CLOCK: variants seen among roughly 807,000 people sequenced by gnomAD.
The protein encoded by CLOCK is circadian locomoter output cycles protein kaput.
CLOCK carries 43 observed loss-of-function variants against 118.4 expected under a neutral mutation model. That is an observed-to-expected ratio of 0.36 (90% CI 0.28 to 0.47). The LOEUF is 0.47. Ranked by LOEUF, CLOCK falls within the 20% of genes least tolerant of loss-of-function variation. The pLI, the probability that CLOCK is intolerant of heterozygous loss-of-function variation, is 1.00. For synonymous variants in CLOCK, 326 were observed against 339.2 expected (o/e 0.96, Z 0.43); for missense variants, 846 against 999.9 (o/e 0.85, Z 2.08).
intron 1 of CLOCK, among the ~76,000 whole-genome samples, chr4:55,527,522 A>G (rs1268339241): frequency 6.6e-6 from 1 of 152,182 alleles, no homozygotes; most frequent in Non-Finnish European, 1.5e-5. Flanking sequence ...ACCTTTTTTA[A>G]AAAAAGATTC....
chr4:55,443,784 A>G lies in CLOCK; in HGVS notation c.1805T>C (p.Val602Ala), dbSNP rs761329980. The G allele has an allele frequency of 1.2e-6, 2 of 1,614,098 alleles. No individual in the cohort carries two copies. The highest frequency in any genetic ancestry group is 2.2e-5 in the South Asian group (2 of 91,084). The part of the protein sequence containing the change: ...LAPINMQGQV[V>A]PTNQIQSGMN... ...TCCACTTTGAATCTGGTTAGTAGGA[A>G]CAACTTGGCCTTGCATATTTATAGG... Residue 602 changes from valine (V) to alanine (A), a missense_variant, in exon 20 of 23, where the codon GTT (valine) becomes GCT (alanine). Val to Ala is a moderately conservative substitution (Grantham distance 64, BLOSUM62 0). Around this residue, in one of 4 missense-constraint regions of CLOCK, gnomAD observed 520 missense variants for 558.0 expected, o/e 0.93. Transcript: ENST00000513440.
intron 17 of CLOCK, 106 bp downstream of exon 17, chr4:55,449,290 G>T: frequency 9.7e-7 from 1 of 1,032,840 alleles, no homozygotes; most frequent in Non-Finnish European, 1.5e-6. Context: ...TAACTATTTT[G>T]ATCTTTACAA....
At chr4:55,517,196 C>T (rs1414762163) in intron 1 of CLOCK, among the ~76,000 whole-genome samples, 1 of 152,186 alleles carries the variant, frequency 6.6e-6, no homozygotes, top group Non-Finnish European at 1.5e-5. Context: ...CTAGAATAAA[C>T]TCCATGTGAT....
intron 17 of CLOCK, 75 bp from the exon 18 acceptor site, chr4:55,448,943 A>AT: frequency 2.4e-5 from 27 of 1,116,112 alleles, no homozygotes; most frequent in Non-Finnish European, 3.5e-5. Context: ...AAATATCAAT[A>AT]TGATATTCGT....
chr4:55,520,468 G>T (rs1333299226), intron 1 of CLOCK, among the ~76,000 whole-genome samples: 2 of 152,106 alleles, frequency 1.3e-5, no homozygotes, highest in African/African-American at 4.8e-5. Context: ...GCATTATGAG[G>T]ATCTGCTTTT....
At chr4:55,527,063 G>A (rs1730250380) in intron 1 of CLOCK, among the ~76,000 whole-genome samples, 3 of 148,958 alleles carry the variant, frequency 2.0e-5, no homozygotes, top group African/African-American at 4.9e-5. Context: ...AAAGTAATAA[G>A]TAAAATGACA....
intron 1 of CLOCK, among the ~76,000 whole-genome samples, chr4:55,538,683 ACT>A (rs1318407583): frequency 1.3e-5 from 2 of 152,156 alleles, no homozygotes; most frequent in African/African-American, 4.8e-5. Context: ...GATTCAAAAA[ACT>A]CTATAAACAT....
chr4:55,439,612 A>G (rs1723181914), intron 21 of CLOCK, among the ~76,000 whole-genome samples: 1 of 152,216 alleles, frequency 6.6e-6, no homozygotes, highest in African/African-American at 2.4e-5. Flanking sequence ...GAAGTAACCC[A>G]AGACTCCATT....
chr4:55,453,568 G>T, intron 14 of CLOCK, 109 bp downstream of exon 14: 1 of 822,888 alleles, frequency 1.2e-6, no homozygotes, highest in Non-Finnish European at 2.0e-6. Context: ...ATCAGCAATT[G>T]AGAAAAGAGC....
intron 1 of CLOCK, among the ~76,000 whole-genome samples, chr4:55,535,470 G>C (rs1730832565): frequency 1.3e-5 from 2 of 152,026 alleles, no homozygotes. Flanking sequence ...AATTTGGAAG[G>C]TCAAAGCAGG....
At chr4:55,455,843 G>T in intron 13 of CLOCK, 54 bp downstream of exon 13, 1 of 1,159,776 alleles carries the variant, frequency 8.6e-7, no homozygotes, top group Non-Finnish European at 1.3e-6. Flanking sequence ...TTTCAGGACA[G>T]GACTTCTGCT....
rs56157186 is a variant in CLOCK at position 55,445,582 on chromosome 4, C to CTTTTTTTT, written c.1540-805_1540-798dup. Among the ~76,000 whole-genome samples the CTTTTTTTT allele has an allele frequency of 3.4e-4, 23 of 68,592 alleles. 5 individuals are homozygous for CTTTTTTTT. Among genetic ancestry groups the CTTTTTTTT allele is most frequent in the East Asian group, 9.9e-4 (2 of 2,022 alleles). 45.0% of individuals were successfully genotyped at this position (68,592 alleles called of 152,430 possible). A position where few individuals can be genotyped will look rare whatever the true frequency, so the allele number is the denominator to read the frequency against. On this transcript the variant is annotated intron_variant, in intron 18 of 22. Coordinates refer to ENST00000513440, the MANE Select transcript of CLOCK (RefSeq NM_004898.4). ...TCTCTGCATCTGCTATTTCTATATT[C>CTTTTTTTT]TTTTTTTTTTTTTTTTTTTTTTTTT...
intron 2 of CLOCK, among the ~76,000 whole-genome samples, chr4:55,508,029 A>G (rs770652707): frequency 6.6e-6 from 1 of 152,206 alleles, no homozygotes; most frequent in African/African-American, 2.4e-5. Context: ...AAGTGTTCTC[A>G]AGGGACAAAG....
chr4:55,428,185 G>T lies in CLOCK; in HGVS notation c.*7230C>A, dbSNP rs971546844. 4 of 152,076 alleles carry T rather than the reference G, an allele frequency of 2.6e-5. No homozygotes were observed. Among genetic ancestry groups the T allele is most frequent in the African/African-American group, 9.7e-5 (4 of 41,414 alleles). 9.4% of individuals were successfully genotyped at this position (152,076 alleles called of 1,614,324 possible). On this transcript the variant is annotated 3_prime_UTR_variant, in exon 23 of 23. Transcript: ENST00000513440. ...GGGAAAGAGCAGAATAATAGTACAC[G>T]CAGTTTTAAAAGCTATGCACATCAT... is the stretch of plus-strand genomic sequence containing the variant.
rs182963432 is a variant in CLOCK at position 55,499,648 on chromosome 4, A to C, written c.-135-10183T>G. On this transcript the variant is annotated intron_variant, in intron 2 of 22. Transcript: ENST00000513440. ...CCTCCTGCTGTGCGGCCTGGTTCCT[A>C]ACAGGCCACAGTACCAATCGTTGTT... 2.1e-3 allele frequency among the ~76,000 whole-genome samples: 316 copies of C among 152,308 alleles called. 1 individual carries two copies. The highest frequency in any genetic ancestry group is 3.6e-3 in the Non-Finnish European group (246 of 68,024).
chr4:55,479,282 A>G (rs1267358881), intron 5 of CLOCK, among the ~76,000 whole-genome samples: 1 of 152,148 alleles, frequency 6.6e-6, no homozygotes. Flanking sequence ...TATTATAAAT[A>G]TATGTACTAA....
At chr4:55,479,339 C>G (rs13122619) in intron 5 of CLOCK, among the ~76,000 whole-genome samples, 51,340 of 151,902 alleles carry the variant, frequency 0.34, 9,367 homozygotes, top group East Asian at 0.58. Context: ...AGTAAACAAA[C>G]AGCTATTGAG....
chr4:55,509,884 T>G (rs1465607307), intron 2 of CLOCK, 28 bp downstream of exon 2: 1 of 152,070 alleles, frequency 6.6e-6, no homozygotes, highest in Non-Finnish European at 1.5e-5. Context: ...CAACCATGAT[T>G]AAGGGAAAAG....
chr4:55,496,009 T>C (rs923685656), intron 2 of CLOCK, among the ~76,000 whole-genome samples: 5 of 151,958 alleles, frequency 3.3e-5, no homozygotes, highest in African/African-American at 7.2e-5. Context: ...GCCAACATGG[T>C]GAAACCCCGT....
Sources: allele counts gnomAD v4.1 joint callset (sites outside exome capture counted in the v4.1 genomes callset), GRCh38; gene constraint gnomAD v4.1.1; regional missense constraint gnomAD v4.1.1; transcripts MANE v1.5; gene names NCBI Gene and HGNC (gene_info 2026-07-23, HGNC 2026-07-21).